ZSCAN1: variants seen among roughly 807,000 people sequenced by gnomAD.
ZSCAN1 encodes zinc finger and SCAN domain-containing protein 1.
Under a neutral mutation model 23.8 loss-of-function variants are expected in ZSCAN1, and 23 were observed. That is an observed-to-expected ratio of 0.97 (90% CI 0.70 to 1.37). The LOEUF is 1.37. Among genes scored for constraint, ZSCAN1 ranks in the 40% most tolerant of loss-of-function variants. The probability of loss-of-function intolerance (pLI) is 0.00; values close to 1 mark genes in which losing one functional copy is unlikely to be tolerated. For missense variants in ZSCAN1, 575 were observed against 554.0 expected (o/e 1.04, Z -0.38); for synonymous variants, 236 against 232.3 (o/e 1.02, Z -0.15).
Position 58,053,969 on chromosome 19 carries a change from G to T in ZSCAN1, c.1145G>T (p.Cys382Phe). Reference sequence around the variant, plus strand: ...CGCAGCCCCAAAAGACCCTTCCAGTGTAGCGTCTGCGGGAAGGCCTTCCCC... The same window carrying T: ...CGCAGCCCCAAAAGACCCTTCCAGTTTAGCGTCTGCGGGAAGGCCTTCCCC... ...APRSPKRPFQ[C>F]SVCGKAFPWM... is the part of the protein sequence containing the mutation. The change falls in exon 6 of 6, where the codon TGT becomes TTT. Residue 382 changes from cysteine to phenylalanine, a missense_variant. Cys to Phe is a radical substitution (Grantham distance 205, BLOSUM62 -2). Transcript: ENST00000282326. This position sits in a 1 kb window ranked among gnomAD's most constrained non-coding sequence, Gnocchi z 5.8. 6.2e-7 allele frequency: 1 copy of T among 1,605,134 alleles called. No homozygotes were observed. The highest frequency in any genetic ancestry group is 8.5e-7 in the Non-Finnish European group (1 of 1,174,664).
At chr19:58,055,111 C>G (rs2073883250), downstream of ZSCAN1, among the ~76,000 whole-genome samples, 1 of 152,210 alleles carries the variant, frequency 6.6e-6, no homozygotes, top group African/African-American at 2.4e-5. Context: ...TTTTTCTCCT[C>G]CCGACTTCAC....
intron 4 of ZSCAN1, among the ~76,000 whole-genome samples, chr19:58,043,293 TCACACACCTA>T (rs2073802769): frequency 6.6e-6 from 1 of 152,198 alleles, no homozygotes; most frequent in Non-Finnish European, 1.5e-5. Context: ...CAGAGGGCAC[TCACACACCTA>T]CACGCACAGC....
At chr19:58,042,871 T>C (rs1410568154) in intron 4 of ZSCAN1, among the ~76,000 whole-genome samples, 4 of 152,204 alleles carry the variant, frequency 2.6e-5, no homozygotes, top group African/African-American at 9.7e-5. Flanking sequence ...CCGCTGTGGC[T>C]GAGAGGATCC....
At chr19:58,055,108 C>T (rs1167872263), downstream of ZSCAN1, among the ~76,000 whole-genome samples, 2 of 152,182 alleles carry the variant, frequency 1.3e-5, no homozygotes, top group Non-Finnish European at 2.9e-5. Flanking sequence ...TTCTTTTTCT[C>T]CTCCCGACTT....
At chr19:58,037,442 A>G (rs1472273269) in intron 2 of ZSCAN1, among the ~76,000 whole-genome samples, 1 of 147,068 alleles carries the variant, frequency 6.8e-6, no homozygotes, top group Non-Finnish European at 1.5e-5. Flanking sequence ...AGACAGTGCC[A>G]TAAGGATGAT....
Position 58,040,676 on chromosome 19 carries a change from C to A in ZSCAN1, c.465+132C>A. 2.4e-6 allele frequency: 2 copies of A among 826,316 alleles called. No individual in the cohort carries two copies. Among genetic ancestry groups the A allele is most frequent in the Non-Finnish European group, 3.8e-6 (2 of 521,856 alleles). The allele number at this position is 826,316 out of a possible 1,614,324, so 51.2% of individuals were successfully genotyped here. A position where few individuals can be genotyped will look rare whatever the true frequency, so the allele number is the denominator to read the frequency against. On this transcript the variant is annotated intron_variant, in intron 4 of 5. Coordinates refer to ENST00000282326, the MANE Select transcript of ZSCAN1 (RefSeq NM_182572.4). The surrounding 1 kb of genome is among the most constrained non-coding windows in gnomAD (Gnocchi z 5.8). ...CAGCGCTCCCAGGAAGCCCGGCCTC[C>A]AAACTCCCCGCCTGCCCCACAGATT...
At position 58,040,573 on chromosome 19, in the gene ZSCAN1, C is replaced by T. The variant is rs1336175158; in HGVS notation, c.465+29C>T. On this transcript the variant is annotated intron_variant, in intron 4 of 5. Transcript: ENST00000282326. The surrounding 1 kb of genome is among the most constrained non-coding windows in gnomAD (Gnocchi z 5.8). ...AGCCCGGGGCCCCCAGCTCCGTGCT[C>T]CTGCACCCCAGGGCATGCGTGCCGC... 1 of 1,608,010 alleles carries T rather than the reference C, an allele frequency of 6.2e-7. No homozygotes were observed. Among genetic ancestry groups the T allele is most frequent in the East Asian group, 2.2e-5 (1 of 44,866 alleles).
chr19:58,047,617 G>A lies in ZSCAN1; in HGVS notation c.466-4873G>A, dbSNP rs1296048848. ...GATGAGCCTGGCTCGGGTTGGTGGGGCTCTGAAGCACATTTGGGGTTCTTT... is the reference window on the plus strand; with the variant it reads ...GATGAGCCTGGCTCGGGTTGGTGGGACTCTGAAGCACATTTGGGGTTCTTT... On this transcript the variant is annotated intron_variant, in intron 4 of 5. Coordinates refer to ENST00000282326, the MANE Select transcript of ZSCAN1 (RefSeq NM_182572.4). This position sits in a 1 kb window ranked among gnomAD's most constrained non-coding sequence, Gnocchi z 4.9. Among the ~76,000 whole-genome samples, 1 of 152,218 alleles carries A rather than the reference G, an allele frequency of 6.6e-6. No individual in the cohort carries two copies. The highest frequency in any genetic ancestry group is 1.5e-5 in the Non-Finnish European group (1 of 68,034).
At chr19:58,038,227 GC>G in intron 3 of ZSCAN1, 21 bp downstream of exon 3, 1 of 1,585,204 alleles carries the variant, frequency 6.3e-7, no homozygotes, top group South Asian at 1.1e-5. Flanking sequence ...CAGGCTTCCT[GC>G]CCCGGGCCGG....
At chr19:58,041,047 G>C (rs1328803274) in intron 4 of ZSCAN1, among the ~76,000 whole-genome samples, 1 of 152,224 alleles carries the variant, frequency 6.6e-6, no homozygotes. Context: ...TTAAAATCAG[G>C]GGTGGGGACA....
intron 3 of ZSCAN1, 126 bp downstream of exon 3, chr19:58,038,332 C>A: frequency 8.2e-7 from 1 of 1,226,260 alleles, no homozygotes; most frequent in Non-Finnish European, 1.1e-6. Flanking sequence ...CAGCAAACCT[C>A]TCCTGCCCCG....
intron 4 of ZSCAN1, among the ~76,000 whole-genome samples, chr19:58,043,572 TG>T (rs1265764850): frequency 2.6e-5 from 4 of 152,282 alleles, no homozygotes; most frequent in African/African-American, 9.6e-5. Context: ...TTCATAAACA[TG>T]GTGCACTTAG....
rs2073818032 is a variant in ZSCAN1, at chr19:58,045,314, G to C, written c.465+4770G>C. Reference sequence around the variant, plus strand: ...TGTTGCCATCCACATCCGAGACTCAGTCCATCAAGGAGAAGAGGCTGAAGG... The same window carrying C: ...TGTTGCCATCCACATCCGAGACTCACTCCATCAAGGAGAAGAGGCTGAAGG... On this transcript the variant is annotated intron_variant, in intron 4 of 5. Coordinates refer to ENST00000282326, the MANE Select transcript of ZSCAN1 (RefSeq NM_182572.4). The surrounding 1 kb of genome is among the most constrained non-coding windows in gnomAD (Gnocchi z 4.3). 2 of 793,124 alleles carry C rather than the reference G, an allele frequency of 2.5e-6. No individual in the cohort carries two copies. The highest frequency in any genetic ancestry group is 2.3e-6 in the Non-Finnish European group (1 of 430,178). 49.1% of individuals were successfully genotyped at this position (793,124 alleles called of 1,614,324 possible).
In ZSCAN1 at chr19:58,053,555, A is replaced by C; in HGVS notation, c.731A>C (p.Gln244Pro). ...VISSPKGPSA[Q>P]RISPRRRNRN... ...TCGAGCCCCAAGGGTCCAAGTGCTC[A>C]GAGAATCAGTCCCCGAAGGAGAAAC... The change falls in exon 6 of 6, where the codon CAG becomes CCG. Residue 244 changes from glutamine to proline, a missense_variant. Coordinates refer to ENST00000282326, the MANE Select transcript of ZSCAN1 (RefSeq NM_182572.4). The surrounding 1 kb of genome is among the most constrained non-coding windows in gnomAD (Gnocchi z 5.8). 1 of 1,614,196 alleles carries C rather than the reference A, an allele frequency of 6.2e-7. No homozygotes were observed. The highest frequency in any genetic ancestry group is 1.1e-5 in the South Asian group (1 of 91,090).
chr19:58,050,129 A>G (rs147111338), intron 4 of ZSCAN1, among the ~76,000 whole-genome samples: 1,530 of 151,650 alleles, frequency 0.01, 24 homozygotes, highest in African/African-American at 0.035. Context: ...CATTGCCCCA[A>G]CTAAAACCAT....
rs534051654 is a variant in ZSCAN1 at position 58,045,718 on chromosome 19, C to T, written c.465+5174C>T. Reference sequence around the variant, plus strand: ...GGCGGCATGTCGGGCACGAGGCATGCGGGCCCTGGGCGTCAGGGAAAACCA... The same window carrying T: ...GGCGGCATGTCGGGCACGAGGCATGTGGGCCCTGGGCGTCAGGGAAAACCA... On this transcript the variant is annotated intron_variant, in intron 4 of 5. Transcript: ENST00000282326. The surrounding 1 kb of genome is among the most constrained non-coding windows in gnomAD (Gnocchi z 4.3). 5.5e-5 allele frequency: 58 copies of T among 1,060,564 alleles called. No individual in the cohort carries two copies. Among genetic ancestry groups the T allele is most frequent in the South Asian group, 1.0e-4 (8 of 79,108 alleles). 65.7% of individuals were successfully genotyped at this position (1,060,564 alleles called of 1,614,324 possible). A position where few individuals can be genotyped will look rare whatever the true frequency, so the allele number is the denominator to read the frequency against.
rs965968799 is a variant in ZSCAN1, at chr19:58,054,179, C to T, written c.*128C>T. 100 of 1,276,162 alleles carry T rather than the reference C, an allele frequency of 7.8e-5. No individual in the cohort carries two copies. The East Asian group carries it at 2.5e-3, about 32-fold the overall frequency. The allele number at this position is 1,276,162 out of a possible 1,614,324, so 79.1% of individuals were successfully genotyped here. On this transcript the variant is annotated 3_prime_UTR_variant, in exon 6 of 6. Transcript: ENST00000282326. This position sits in a 1 kb window ranked among gnomAD's most constrained non-coding sequence, Gnocchi z 4.2. ...ACCTTGGGACTCCTCTTGAAGGACA[C>T]AAGCTGTTTCTCGGAAGACCCTGGA...
At chr19:58,046,026 T>C (rs1307363011) in intron 4 of ZSCAN1, 1 of 697,260 alleles carries the variant, frequency 1.4e-6, no homozygotes, top group Non-Finnish European at 2.6e-6. Context: ...TGCAGAAGCA[T>C]TCGGAGGTGG....
At position 58,045,042 on chromosome 19, in the gene ZSCAN1, G is replaced by T. The variant is rs1308968715; in HGVS notation, c.465+4498G>T. 9.1e-7 allele frequency: 1 copy of T among 1,104,758 alleles called. No individual in the cohort carries two copies. Among genetic ancestry groups the T allele is most frequent in the Non-Finnish European group, 1.4e-6 (1 of 720,752 alleles). The allele number at this position is 1,104,758 out of a possible 1,614,324, so 68.4% of individuals were successfully genotyped here. On this transcript the variant is annotated intron_variant, in intron 4 of 5. Transcript: ENST00000282326. The surrounding 1 kb of genome is among the most constrained non-coding windows in gnomAD (Gnocchi z 4.3). ...CCGCAGAGATGGTGGTGAAGTCCCG[G>T]GGGCAGAGAGGGTGCTGGGCGAGCT...
Sources: allele counts gnomAD v4.1 joint callset (sites outside exome capture counted in the v4.1 genomes callset), GRCh38; gene constraint gnomAD v4.1.1; non-coding constraint Gnocchi (gnomAD v3.1); transcripts MANE v1.5; gene names NCBI Gene and HGNC (gene_info 2026-07-23, HGNC 2026-07-21).